Variants in LINGO2 observed in about 807,000 individuals in gnomAD.
LINGO2 encodes the protein leucine-rich repeat and immunoglobulin-like domain-containing nogo receptor-interacting protein 2.
In LINGO2, 14 loss-of-function variants were observed where a neutral mutation model predicts 30.6. That is an observed-to-expected ratio of 0.46 (90% confidence interval 0.30 to 0.72). The LOEUF is 0.72. Among genes scored for constraint, LINGO2 ranks in the 30% least tolerant of loss-of-function variants. The pLI, the probability that LINGO2 is intolerant of heterozygous loss-of-function variation, is 0.07. For synonymous variants in LINGO2, 317 were observed against 288.5 expected (o/e 1.10, Z -1.00); for missense variants, 729 against 751.7 (o/e 0.97, Z 0.35).
At chr9:28,311,070 G>A (rs1248570630) in intron 3 of LINGO2, among the ~76,000 whole-genome samples, 3 of 152,066 alleles carry the variant, frequency 2.0e-5, no homozygotes, top group African/African-American at 7.2e-5. Context: ...AGAAATAAAG[G>A]GACAGAGTAC....
At chr9:28,139,350 T>A (rs565116737) in intron 4 of LINGO2, among the ~76,000 whole-genome samples, 34 of 152,346 alleles carry the variant, frequency 2.2e-4, no homozygotes, top group African/African-American at 7.9e-4. Flanking sequence ...AGTGGATACA[T>A]GTGCATGTGG....
intron 4 of LINGO2, among the ~76,000 whole-genome samples, chr9:28,241,398 G>A (rs1043518289): frequency 2.4e-4 from 37 of 151,858 alleles, no homozygotes; most frequent in African/African-American, 8.9e-4. Context: ...CAGTGTGCAA[G>A]TCCTGCAGTG....
chr9:29,175,522 A>ATTT, the LINGO2 span, among the ~76,000 whole-genome samples: 12 of 110,370 alleles, frequency 1.1e-4, no homozygotes, highest in African/African-American at 1.4e-4. Context: ...TATCTCCGAG[A>ATTT]TTTTTTTTTT....
intron 4 of LINGO2, among the ~76,000 whole-genome samples, chr9:28,053,422 C>T (rs915990246): frequency 1.3e-5 from 2 of 152,090 alleles, no homozygotes; most frequent in African/African-American, 4.8e-5. Context: ...AACACATTTT[C>T]TAAAGAACTC....
At chr9:28,864,957 T>C in the LINGO2 span, among the ~76,000 whole-genome samples, 1 of 152,030 alleles carries the variant, frequency 6.6e-6, no homozygotes, top group Non-Finnish European at 1.5e-5. Flanking sequence ...TTATGAAAAG[T>C]TTCCATATAG....
intron 1 of LINGO2, among the ~76,000 whole-genome samples, chr9:28,478,994 C>A (rs1312510164): frequency 6.6e-6 from 1 of 151,964 alleles, no homozygotes; most frequent in Non-Finnish European, 1.5e-5. Flanking sequence ...TCCTATAATA[C>A]ATTGTGGTAA....
intron 3 of LINGO2, among the ~76,000 whole-genome samples, chr9:28,315,130 AAG>A (rs1413429136): frequency 6.6e-6 from 1 of 150,972 alleles, no homozygotes; most frequent in Non-Finnish European, 1.5e-5. Context: ...TGGATAAAAA[AAG>A]AGACACACTC....
intron 4 of LINGO2, among the ~76,000 whole-genome samples, chr9:28,144,388 T>C (rs888782021): frequency 6.6e-6 from 1 of 152,142 alleles, no homozygotes; most frequent in African/African-American, 2.4e-5. Context: ...TACTAACCCA[T>C]TGAATAAAAA....
At chr9:28,038,151 G>C (rs1400514095) in intron 4 of LINGO2, among the ~76,000 whole-genome samples, 1 of 152,154 alleles carries the variant, frequency 6.6e-6, no homozygotes, top group Non-Finnish European at 1.5e-5. Flanking sequence ...GGAATGATAA[G>C]AGGCATTTTA....
the LINGO2 span, among the ~76,000 whole-genome samples, chr9:28,923,410 G>T: frequency 6.6e-6 from 1 of 152,054 alleles, no homozygotes; most frequent in African/African-American, 2.4e-5. Flanking sequence ...TAGTAATGTG[G>T]ATTCTCTTAC....
intron 2 of LINGO2, among the ~76,000 whole-genome samples, chr9:28,453,862 G>C (rs116601743): frequency 0.024 from 3,709 of 151,934 alleles, 143 homozygotes; most frequent in African/African-American, 0.083. Context: ...CTGATTAGTG[G>C]TTTAAAAAAA....
the LINGO2 span, among the ~76,000 whole-genome samples, chr9:28,989,966 G>T: frequency 6.6e-6 from 1 of 152,292 alleles, no homozygotes; most frequent in African/African-American, 2.4e-5. Flanking sequence ...CGTGAGCGAC[G>T]CAGAAGACGG....
intron 4 of LINGO2, among the ~76,000 whole-genome samples, chr9:28,075,235 A>G (rs1825590377): frequency 6.6e-6 from 1 of 151,978 alleles, no homozygotes; most frequent in Non-Finnish European, 1.5e-5. Flanking sequence ...TTATTCTTAC[A>G]TCTTATTTCT....
At chr9:29,055,542 A>T in the LINGO2 span, among the ~76,000 whole-genome samples, 4 of 152,166 alleles carry the variant, frequency 2.6e-5, no homozygotes, top group African/African-American at 9.7e-5. Flanking sequence ...CAGGTTTCTG[A>T]CTTCAAATCT....
At chr9:29,027,181 A>C in the LINGO2 span, among the ~76,000 whole-genome samples, 1 of 152,228 alleles carries the variant, frequency 6.6e-6, no homozygotes, top group Non-Finnish European at 1.5e-5. Flanking sequence ...AACTAGGTTA[A>C]GTAACAGGTC....
the LINGO2 span, among the ~76,000 whole-genome samples, chr9:29,145,684 G>A: frequency 5.3e-5 from 8 of 152,120 alleles, no homozygotes; most frequent in Non-Finnish European, 8.8e-5. Context: ...TGTTTCTTCA[G>A]TGTGATAAAT....
chr9:29,165,848 A>G, the LINGO2 span, among the ~76,000 whole-genome samples: 1 of 152,122 alleles, frequency 6.6e-6, no homozygotes, highest in African/African-American at 2.4e-5. Flanking sequence ...TTTCTGTTGG[A>G]TCTTTGAAGT....
intron 1 of LINGO2, among the ~76,000 whole-genome samples, chr9:28,586,820 A>G (rs953355165): frequency 1.3e-5 from 2 of 151,952 alleles, no homozygotes. Flanking sequence ...CTAGTCCTAG[A>G]CCCCTTGCTC....
At chr9:28,430,109 C>CGCGTGTGTGTGT (rs569701444) in intron 2 of LINGO2, among the ~76,000 whole-genome samples, 38 of 136,200 alleles carry the variant, frequency 2.8e-4, no homozygotes, top group African/African-American at 8.7e-4. Flanking sequence ...CGCGCGCGCG[C>CGCGTGTGTGTGT]GTGTGTGTGT....
Sources: allele counts gnomAD v4.1 joint callset (sites outside exome capture counted in the v4.1 genomes callset), GRCh38; gene constraint gnomAD v4.1.1; transcripts MANE v1.5; gene names NCBI Gene and HGNC (gene_info 2026-07-23, HGNC 2026-07-21).